The following KCNIP1 variants were observed in gnomAD, a reference collection of about 807,000 sequenced individuals.
KCNIP1 encodes the protein potassium voltage-gated channel interacting protein 1.
KCNIP1 carries 18 observed loss-of-function variants against 33.0 expected under a neutral mutation model. That is an observed-to-expected ratio of 0.55 (90% CI 0.38 to 0.81). The LOEUF (loss-of-function observed/expected upper bound fraction) is 0.81, where lower values mean the gene tolerates loss of function less well. Ranked by LOEUF, KCNIP1 falls within the 30% of genes least tolerant of loss-of-function variation. The pLI, the probability that KCNIP1 is intolerant of heterozygous loss-of-function variation, is 0.00. For missense variants in KCNIP1, 238 were observed against 271.6 expected, an observed-to-expected ratio of 0.88 and a Z score of 0.87; for synonymous variants, 93 against 98.3, an observed-to-expected ratio of 0.95 and a Z score of 0.32.
intron 1 of KCNIP1, chr5:170,681,164 T>G (rs1310390407): frequency 2.5e-6 from 1 of 399,182 alleles, no homozygotes; most frequent in East Asian, 3.6e-5. Flanking sequence ...TCGGACTGAT[T>G]GACTTGTCAG....
intron 1 of KCNIP1, among the ~76,000 whole-genome samples, chr5:170,617,032 T>A (rs1184113632): frequency 1.3e-5 from 2 of 152,056 alleles, no homozygotes; most frequent in African/African-American, 4.8e-5. Context: ...AGCAGCACAC[T>A]CTTTCTGGCC....
At chr5:170,451,066 G>T (rs1396494706) in intron 1 of KCNIP1, among the ~76,000 whole-genome samples, 1 of 152,200 alleles carries the variant, frequency 6.6e-6, no homozygotes, top group Non-Finnish European at 1.5e-5. Flanking sequence ...ACGGGAGCTG[G>T]CCTGGTCCTC....
intron 5 of KCNIP1, among the ~76,000 whole-genome samples, chr5:170,728,371 G>A (rs992278028): frequency 6.6e-6 from 1 of 152,124 alleles, no homozygotes; most frequent in Admixed American, 6.5e-5. Context: ...AAGGAAATGC[G>A]ATCTAAATAG....
chr5:170,695,420 A>C (rs1218241706), intron 1 of KCNIP1, among the ~76,000 whole-genome samples: 1 of 152,224 alleles, frequency 6.6e-6, no homozygotes, highest in African/African-American at 2.4e-5. Flanking sequence ...GCATCCCAGA[A>C]GCTCCCTATT....
chr5:170,613,283 G>C (rs1174824936), intron 1 of KCNIP1, among the ~76,000 whole-genome samples: 1 of 152,188 alleles, frequency 6.6e-6, no homozygotes, highest in African/African-American at 2.4e-5. Flanking sequence ...GAGCCTGTGA[G>C]GGGAAAGCCT....
intron 1 of KCNIP1, among the ~76,000 whole-genome samples, chr5:170,370,003 T>G (rs1368760200): frequency 6.6e-6 from 1 of 152,130 alleles, no homozygotes. Flanking sequence ...ATTAAGTTTA[T>G]ACAAGTAGAG....
intron 1 of KCNIP1, among the ~76,000 whole-genome samples, chr5:170,648,325 A>G (rs900161225): frequency 6.6e-6 from 1 of 152,258 alleles, no homozygotes; most frequent in Admixed American, 6.5e-5. Context: ...AAAAAACTGC[A>G]TGTGGATGTT....
intron 1 of KCNIP1, among the ~76,000 whole-genome samples, chr5:170,445,660 C>T (rs1019598925): frequency 6.6e-6 from 1 of 152,138 alleles, no homozygotes; most frequent in Non-Finnish European, 1.5e-5. Flanking sequence ...GAGAGCAGCT[C>T]GCCTCCTTCC....
chr5:170,702,072 TAAA>T (rs1763117342), intron 1 of KCNIP1, among the ~76,000 whole-genome samples: 1 of 152,142 alleles, frequency 6.6e-6, no homozygotes, highest in Non-Finnish European at 1.5e-5. Context: ...AAATTAAAAA[TAAA>T]AACAGTGCCT....
chr5:170,618,441 G>C (rs371400235), intron 1 of KCNIP1, among the ~76,000 whole-genome samples: 34 of 147,496 alleles, frequency 2.3e-4, no homozygotes, highest in African/African-American at 8.3e-4. Flanking sequence ...GAGGGGGAGA[G>C]GGAGGGAGAA....
At position 170,720,332 on chromosome 5, in the gene KCNIP1, T is replaced by C. The variant is rs1763775778; in HGVS notation, c.198T>C (p.Ser66=). Residue 66 remains serine (S), a synonymous_variant, in exon 3 of 8, where the codon AGT becomes AGC. Coordinates refer to ENST00000328939, the MANE Select transcript of KCNIP1 (RefSeq NM_014592.4). ...LYRGFKNECP[S]GVVNEDTFKQ... is the part of the protein sequence containing the mutation. ...TCCCCTTCCCACAGGAGTGCCCCAG[T>C]GGTGTGGTCAACGAAGACACATTCA... The C allele has an allele frequency of 1.9e-6, 3 of 1,613,780 alleles. No homozygotes were observed. Among genetic ancestry groups the C allele is most frequent in the African/African-American group, 1.3e-5 (1 of 74,904 alleles).
At chr5:170,619,128 TA>T (rs1759510610) in intron 1 of KCNIP1, among the ~76,000 whole-genome samples, 1 of 152,208 alleles carries the variant, frequency 6.6e-6, no homozygotes, top group Admixed American at 6.5e-5. Flanking sequence ...AATGACACAC[TA>T]ATCTGAAAAG....
intron 1 of KCNIP1, among the ~76,000 whole-genome samples, chr5:170,522,420 T>C (rs1382560910): frequency 6.6e-6 from 1 of 152,226 alleles, no homozygotes; most frequent in Non-Finnish European, 1.5e-5. Context: ...GGAGAGACAA[T>C]GCCAGGCATG....
chr5:170,545,158 A>G (rs1481575917), intron 1 of KCNIP1, among the ~76,000 whole-genome samples: 4 of 152,184 alleles, frequency 2.6e-5, no homozygotes, highest in Non-Finnish European at 5.9e-5. Context: ...TGTATATAAC[A>G]CAAGAGTGGC....
At chr5:170,493,514 A>G (rs747750689) in intron 1 of KCNIP1, among the ~76,000 whole-genome samples, 25 of 152,178 alleles carry the variant, frequency 1.6e-4, no homozygotes, top group Non-Finnish European at 3.4e-4. Context: ...TTAAGTCACC[A>G]TGGTGGCTGG....
At chr5:170,521,556 G>A (rs1407864223) in intron 1 of KCNIP1, among the ~76,000 whole-genome samples, 1 of 152,118 alleles carries the variant, frequency 6.6e-6, no homozygotes, top group Non-Finnish European at 1.5e-5. Flanking sequence ...TGTGGCTGGG[G>A]ATCTCCAAGT....
intron 1 of KCNIP1, among the ~76,000 whole-genome samples, chr5:170,551,846 A>C (rs559675063): frequency 6.7e-6 from 1 of 150,252 alleles, no homozygotes; most frequent in South Asian, 2.1e-4. Context: ...GTGTTAGTGC[A>C]TGTGTGAGAC....
Position 170,663,152 on chromosome 5 carries a change from A to G in KCNIP1, c.62-55606A>G, listed in dbSNP as rs115366150. Among the ~76,000 whole-genome samples, 1,120 of 152,294 alleles carry G rather than the reference A, an allele frequency of 7.4e-3. 9 individuals are homozygous for G. Among genetic ancestry groups the G allele is most frequent in the African/African-American group, 0.026 (1,064 of 41,552 alleles). ...GTTCTGATCCTCTCAACGACTCCCA[A>G]GGGAATATGTCAGCTCCATTTTGCA... On this transcript the variant is annotated intron_variant, in intron 1 of 7. Coordinates refer to ENST00000328939, the MANE Select transcript of KCNIP1 (RefSeq NM_014592.4).
rs561992627 is a variant in KCNIP1, at chr5:170,683,102, G to A, written c.62-35656G>A. ...TTCATCTAATGTTATAGCAATGAGGGGATTTAAGGTGAAAGGTAGAGAACA... is the reference window on the plus strand; with the variant it reads ...TTCATCTAATGTTATAGCAATGAGGAGATTTAAGGTGAAAGGTAGAGAACA... On this transcript the variant is annotated intron_variant, in intron 1 of 7. Transcript: ENST00000328939. 1.4e-4 allele frequency among the ~76,000 whole-genome samples: 21 copies of A among 152,110 alleles called. 1 individual carries two copies. In the South Asian group the frequency reaches 3.8e-3, roughly 27 times the overall value.
Sources: allele counts gnomAD v4.1 joint callset (sites outside exome capture counted in the v4.1 genomes callset), GRCh38; gene constraint gnomAD v4.1.1; transcripts MANE v1.5; gene names NCBI Gene and HGNC (gene_info 2026-07-23, HGNC 2026-07-21).